COL9A3: variants seen among roughly 807,000 people sequenced by gnomAD.
The protein encoded by COL9A3 is collagen type IX alpha 3 chain, also known as collagen alpha-3(IX) chain.
COL9A3 carries 82 observed loss-of-function variants against 110.2 expected under a neutral mutation model. The observed-to-expected ratio is 0.74, with a 90% CI of 0.62 to 0.89. The LOEUF (loss-of-function observed/expected upper bound fraction) is 0.89, where lower values mean the gene tolerates loss of function less well. Ranked by LOEUF, COL9A3 falls within the 40% of genes least tolerant of loss-of-function variation. The probability of loss-of-function intolerance (pLI) is 0.00; values close to 1 mark genes in which losing one functional copy is unlikely to be tolerated. For synonymous variants in COL9A3, 494 were observed against 403.8 expected (o/e 1.22, Z -2.68); for missense variants, 1,066 against 981.3 (o/e 1.09, Z -1.15).
At chr20:62,822,490 A>T in intron 9 of COL9A3, 101 bp from the exon 10 acceptor site, 1 of 982,122 alleles carries the variant, frequency 1.0e-6, no homozygotes, top group Non-Finnish European at 1.4e-6. Flanking sequence ...CCCCTGGTGG[A>T]TGGGGAAGGT....
At position 62,840,837 on chromosome 20, in the gene COL9A3, CCT is replaced by C. The variant is rs1207621021; in HGVS notation, c.*106_*107del. 118 of 1,361,920 alleles carry C rather than the reference CCT, an allele frequency of 8.7e-5. No homozygotes were observed. The highest frequency in any genetic ancestry group is 1.2e-4 in the Non-Finnish European group (114 of 979,060). 84.4% of individuals were successfully genotyped at this position (1,361,920 alleles called of 1,614,324 possible). A position where few individuals can be genotyped will look rare whatever the true frequency, so the allele number is the denominator to read the frequency against. ...GGTGACGTCCAGGAGAGGGAGCGCC[CCT>C]GGCTGCCCCTCGGCCGCCGACTGGA... On this transcript the variant is annotated 3_prime_UTR_variant, in exon 32 of 32. Transcript: ENST00000649368.
At chr20:62,827,711 C>T (rs531748764) in intron 16 of COL9A3, among the ~76,000 whole-genome samples, 2 of 152,300 alleles carry the variant, frequency 1.3e-5, no homozygotes, top group Admixed American at 6.5e-5. Flanking sequence ...CCCTGGCAGC[C>T]GGAGTGCAGG....
Position 62,833,078 on chromosome 20 carries a change from T to G in COL9A3, c.1368+14T>G. 1 of 1,609,030 alleles carries G rather than the reference T, an allele frequency of 6.2e-7. No individual in the cohort carries two copies. Among genetic ancestry groups the G allele is most frequent in the Non-Finnish European group, 8.5e-7 (1 of 1,175,524 alleles). ...AAAGGAGAACTGGTGAGTAATTAGGTAACCTCACTGTTACCAACAGCTGGG... is the reference window on the plus strand; with the variant it reads ...AAAGGAGAACTGGTGAGTAATTAGGGAACCTCACTGTTACCAACAGCTGGG... On this transcript the variant is annotated intron_variant, in intron 26 of 31. Coordinates refer to ENST00000649368, the MANE Select transcript of COL9A3 (RefSeq NM_001853.4).
At chr20:62,818,429 T>C in intron 2 of COL9A3, 89 bp from the exon 3 acceptor site, 1 of 1,306,688 alleles carries the variant, frequency 7.7e-7, no homozygotes, top group Non-Finnish European at 1.1e-6. Flanking sequence ...TGGGGCTGAT[T>C]TGGAGGCCAG....
At chr20:62,825,796 A>G in intron 12 of COL9A3, 21 bp from the exon 13 acceptor site, 1 of 1,551,268 alleles carries the variant, frequency 6.4e-7, no homozygotes, top group Non-Finnish European at 8.7e-7. Flanking sequence ...GCCGCTGACC[A>G]CCCTATCCCC....
At chr20:62,831,757 T>C (rs2063599137) in intron 24 of COL9A3, 1 of 284,540 alleles carries the variant, frequency 3.5e-6, no homozygotes, top group Non-Finnish European at 7.0e-6. Flanking sequence ...CAAATGGACA[T>C]TTTTTAAAGG....
chr20:62,829,539 G>A (rs374061401), intron 20 of COL9A3, 40 bp downstream of exon 20: 8 of 1,610,216 alleles, frequency 5.0e-6, no homozygotes, highest in South Asian at 1.1e-5. Context: ...GAGGGGAGGC[G>A]AGGGGCCGGG....
At chr20:62,817,336 G>C (rs2147193394) in intron 1 of COL9A3, 194 bp downstream of exon 1, 1 of 488,560 alleles carries the variant, frequency 2.0e-6, no homozygotes, top group East Asian at 3.8e-5. Flanking sequence ...GCCCGGGTCG[G>C]CCGGCGCCGC....
chr20:62,828,899 G>T (rs372711123), intron 18 of COL9A3, 24 bp from the exon 19 acceptor site: 1 of 1,612,312 alleles, frequency 6.2e-7, no homozygotes, highest in African/African-American at 1.3e-5. Flanking sequence ...CTCCCCTTCC[G>T]CACCCCAATC....
At chr20:62,820,600 G>A (rs1445593377) in intron 5 of COL9A3, among the ~76,000 whole-genome samples, 4 of 152,198 alleles carry the variant, frequency 2.6e-5, no homozygotes, top group Admixed American at 6.5e-5. Flanking sequence ...GGCATGAGGC[G>A]GATTCTGAGC....
At chr20:62,833,683 A>G (rs146207460) in intron 26 of COL9A3, among the ~76,000 whole-genome samples, 10,875 of 149,678 alleles carry the variant, frequency 0.073, 518 homozygotes, top group Non-Finnish European at 0.11. Context: ...GATTACAGGC[A>G]TGAGCCACCG....
At position 62,836,212 on chromosome 20, in the gene COL9A3, C is replaced by G. The variant is rs142066316; in HGVS notation, c.1427C>G (p.Pro476Arg). The G allele has an allele frequency of 4.1e-3, 6,572 of 1,613,544 alleles. 21 individuals are homozygous for G. Among genetic ancestry groups the G allele is most frequent in the Non-Finnish European group, 5.2e-3 (6,108 of 1,179,972 alleles). ...TCTGGCAGTCGAGGGGAGCTGGGCC[C>G]CAAAGGCACCCAGGGTCCCAACGGC... Reference protein sequence around the residue: ...GESGSRGELGPKGTQGPNGTS... With the variant: ...GESGSRGELGRKGTQGPNGTS... The change falls in exon 28 of 32, where the codon CCC becomes CGC. Residue 476 changes from proline (P) to arginine (R), a missense_variant. Physicochemically the swap from Pro to Arg is moderately radical, Grantham distance 103 (BLOSUM62 -2). Transcript: ENST00000649368.
chr20:62,836,221 C>T lies in COL9A3; in HGVS notation c.1436C>T (p.Thr479Ile), dbSNP rs1310865185. ...CGAGGGGAGCTGGGCCCCAAAGGCACCCAGGGTCCCAACGGCACCAGCGGT... is the reference window on the plus strand; with the variant it reads ...CGAGGGGAGCTGGGCCCCAAAGGCATCCAGGGTCCCAACGGCACCAGCGGT... ...GSRGELGPKG[T>I]QGPNGTSGVQ... The change falls in exon 28 of 32, where the codon ACC becomes ATC. Residue 479 changes from threonine (T) to isoleucine (I), a missense_variant. Transcript: ENST00000649368. The T allele has an allele frequency of 1.9e-6, 3 of 1,613,490 alleles. No individual in the cohort carries two copies. Among genetic ancestry groups the T allele is most frequent in the Non-Finnish European group, 8.5e-7 (1 of 1,179,980 alleles).
At chr20:62,821,929 G>A in intron 8 of COL9A3, 119 bp downstream of exon 8, 1 of 757,128 alleles carries the variant, frequency 1.3e-6, no homozygotes, top group Admixed American at 2.0e-5. Context: ...ACCCCACCTT[G>A]GTGGGTGTTG....
Position 62,822,128 on chromosome 20 carries a change from C to T in COL9A3, c.441C>T (p.Pro147=), listed in dbSNP as rs41306378. 123 of 1,584,418 alleles carry T rather than the reference C, an allele frequency of 7.8e-5. No homozygotes were observed. Among genetic ancestry groups the T allele is most frequent in the Non-Finnish European group, 9.9e-5 (114 of 1,153,960 alleles). ...CTCCCCAGGGACCTTCTGGACTCCC[C>T]GGCCTCCCTGGTCCCCCAGGACCTC... ...LRGPPGPSGL[P]GLPGPPGPPG... is the part of the protein sequence containing the mutation. The change falls in exon 9 of 32, where the codon CCC becomes CCT. Residue 147 remains proline (P), a synonymous_variant. Coordinates refer to ENST00000649368, the MANE Select transcript of COL9A3 (RefSeq NM_001853.4).
chr20:62,827,032 A>T (rs901592268), intron 15 of COL9A3, among the ~76,000 whole-genome samples: 5 of 151,948 alleles, frequency 3.3e-5, no homozygotes, highest in Non-Finnish European at 7.4e-5. Flanking sequence ...CTGGTTCTGG[A>T]CGTGGAATGA....
intron 2 of COL9A3, 55 bp from the exon 3 acceptor site, chr20:62,818,463 G>T (rs1248541063): frequency 6.5e-7 from 1 of 1,549,320 alleles, no homozygotes; most frequent in South Asian, 1.1e-5. Flanking sequence ...CCCGAGGCGG[G>T]GTTCTTGAGG....
At chr20:62,836,370 G>T in intron 28 of COL9A3, 37 bp downstream of exon 28, 1 of 1,613,938 alleles carries the variant, frequency 6.2e-7, no homozygotes, top group Non-Finnish European at 8.5e-7. Context: ...CTTTCACAGG[G>T]TTGAGATCGT....
intron 19 of COL9A3, 72 bp downstream of exon 19, chr20:62,829,048 G>C: frequency 6.6e-7 from 1 of 1,505,870 alleles, no homozygotes; most frequent in Non-Finnish European, 8.9e-7. Flanking sequence ...ATGTTGGGCT[G>C]GGTGGGTTGG....
Sources: allele counts gnomAD v4.1 joint callset (sites outside exome capture counted in the v4.1 genomes callset), GRCh38; gene constraint gnomAD v4.1.1; transcripts MANE v1.5; gene names NCBI Gene and HGNC (gene_info 2026-07-23, HGNC 2026-07-21).